Variants in CUL2 observed in about 807,000 individuals in gnomAD.
CUL2 encodes the protein cullin 2.
CUL2 carries 22 observed loss-of-function variants against 110.2 expected under a neutral mutation model. The ratio of observed to expected loss-of-function variants is 0.20; its 90% confidence interval spans 0.14 to 0.28. CUL2 has a LOEUF of 0.28. Among genes scored for constraint, CUL2 ranks in the 10% least tolerant of loss-of-function variants. The pLI, the probability that CUL2 is intolerant of heterozygous loss-of-function variation, is 1.00. For synonymous variants in CUL2, 279 were observed against 293.2 expected (o/e 0.95, Z 0.49); for missense variants, 631 against 905.5 (o/e 0.70, Z 3.89).
In CUL2 at chr10:35,009,203, A is replaced by AT. The variant is rs1336884208; in HGVS notation, c.*1107dup. The AT allele has an allele frequency of 7.1e-5, 9 of 127,454 alleles. No homozygotes were observed. Among genetic ancestry groups the AT allele is most frequent in the African/African-American group, 2.8e-4 (8 of 28,726 alleles). The allele number at this position is 127,454 out of a possible 1,614,324, so 7.9% of individuals were successfully genotyped here. A position where few individuals can be genotyped will look rare whatever the true frequency, so the allele number is the denominator to read the frequency against. On this transcript the variant is annotated 3_prime_UTR_variant, in exon 21 of 21. Transcript: ENST00000374749. ...GTTGAGATATATATATATATATATT[A>AT]TATATATATATATATATAAAATAAA... is the stretch of plus-strand genomic sequence containing the variant.
intron 16 of CUL2, among the ~76,000 whole-genome samples, chr10:35,027,213 C>T (rs1190569317): frequency 1.3e-5 from 2 of 149,580 alleles, no homozygotes; most frequent in African/African-American, 4.9e-5. Context: ...GGCGCAAACT[C>T]GGCTCACTGC....
chr10:35,033,508 G>A (rs1279493830), intron 10 of CUL2, among the ~76,000 whole-genome samples: 3 of 151,934 alleles, frequency 2.0e-5, no homozygotes, highest in Admixed American at 6.6e-5. Context: ...AGGCTGAGGC[G>A]GGCGGATCAT....
At chr10:35,121,098 C>T (rs535611370) in intron 1 of CUL2, among the ~76,000 whole-genome samples, 48 of 152,322 alleles carry the variant, frequency 3.2e-4, no homozygotes, top group African/African-American at 1.0e-3. Flanking sequence ...CTACTTAACG[C>T]ATTCCCCATA....
rs115816511 is a variant in CUL2 at position 35,112,751 on chromosome 10, G to A, written c.-50-11691C>T. Among the ~76,000 whole-genome samples, 1,206 of 152,252 alleles carry A rather than the reference G, an allele frequency of 7.9e-3. 21 individuals carry two copies. The highest frequency in any genetic ancestry group is 0.027 in the African/African-American group (1,132 of 41,546). ...CTCAAAAGTCACAGTATTATACAGG[G>A]CATGAGGCAGAATCTTCAAAAGGTT... On this transcript the variant is annotated intron_variant, in intron 1 of 5. Transcript: ENST00000685421.
At chr10:35,035,428 A>C (rs1588976211) in intron 9 of CUL2, 132 bp from the exon 10 acceptor site, 5 of 824,338 alleles carry the variant, frequency 6.1e-6, no homozygotes, top group South Asian at 2.0e-5. Flanking sequence ...CCCCATGCCC[A>C]CCTCCCAGCC....
chr10:35,060,801 A>C, intron 4 of CUL2, 73 bp downstream of exon 4: 1 of 1,225,728 alleles, frequency 8.2e-7, no homozygotes, highest in South Asian at 1.3e-5. Context: ...ATAGGCAATA[A>C]AAAAATTATC....
chr10:35,095,452 AT>A (rs2087282686), upstream of CUL2, among the ~76,000 whole-genome samples: 2 of 152,170 alleles, frequency 1.3e-5, no homozygotes, highest in African/African-American at 4.8e-5. Flanking sequence ...GATTAAATAT[AT>A]TTTTATACGT....
At chr10:35,073,139 G>C (rs777279427) in intron 1 of CUL2, among the ~76,000 whole-genome samples, 1 of 152,176 alleles carries the variant, frequency 6.6e-6, no homozygotes, top group Non-Finnish European at 1.5e-5. Flanking sequence ...ATATCCAAAA[G>C]AGGGTATGCC....
At chr10:35,052,713 G>C (rs905358810) in intron 5 of CUL2, among the ~76,000 whole-genome samples, 5 of 151,848 alleles carry the variant, frequency 3.3e-5, no homozygotes, top group African/African-American at 1.2e-4. Flanking sequence ...GGCTAACACG[G>C]TGAAACCCCG....
intron 2 of CUL2, among the ~76,000 whole-genome samples, chr10:35,067,045 A>AGGCTGAGG (rs902784958): frequency 6.7e-6 from 1 of 149,370 alleles, no homozygotes; most frequent in African/African-American, 2.4e-5. Flanking sequence ...GATACTAGGG[A>AGGCTGAGG]GGCTGAGGCA....
chr10:35,081,561 G>C (rs2086948201), intron 1 of CUL2, among the ~76,000 whole-genome samples: 1 of 152,154 alleles, frequency 6.6e-6, no homozygotes, highest in Admixed American at 6.5e-5. Flanking sequence ...GACAAAGCTA[G>C]AACCAACCAG....
Position 35,077,817 on chromosome 10 carries a change from CA to C in CUL2, c.-22-6479del, listed in dbSNP as rs200796040. Among the ~76,000 whole-genome samples the C allele has an allele frequency of 3.2e-3, 341 of 107,084 alleles. 2 individuals carry two copies. Among genetic ancestry groups the C allele is most frequent in the African/African-American group, 9.7e-3 (262 of 27,130 alleles). 70.3% of individuals were successfully genotyped at this position (107,084 alleles called of 152,430 possible). ...GGGCAACAAGAGTGAAACTCCGTCT[CA>C]AAAAAAAAAAAAGAAAAGAAATAAA... On this transcript the variant is annotated intron_variant, in intron 1 of 20. Coordinates refer to ENST00000374749, the MANE Select transcript of CUL2 (RefSeq NM_003591.4).
chr10:35,020,733 G>C (rs1355490205), intron 17 of CUL2, among the ~76,000 whole-genome samples: 1 of 152,094 alleles, frequency 6.6e-6, no homozygotes, highest in African/African-American at 2.4e-5. Context: ...CACACTGTCT[G>C]GTTATATCTC....
chr10:35,080,016 C>T (rs534210198), intron 1 of CUL2, among the ~76,000 whole-genome samples: 10 of 152,260 alleles, frequency 6.6e-5, no homozygotes, highest in Admixed American at 2.6e-4. Context: ...GAGGACAGTA[C>T]AGAATTTAAT....
At chr10:35,123,410 T>C (rs2087700484) in intron 1 of CUL2, among the ~76,000 whole-genome samples, 1 of 152,070 alleles carries the variant, frequency 6.6e-6, no homozygotes, top group Non-Finnish European at 1.5e-5. Context: ...ACCAGAGCTG[T>C]ATCTAAGGAA....
chr10:35,054,589 A>G (rs2134876015), intron 4 of CUL2, 50 bp from the exon 5 acceptor site: 2 of 1,018,114 alleles, frequency 2.0e-6, no homozygotes, highest in East Asian at 5.0e-5. Context: ...GTCAGTAGGA[A>G]AGCAAATGAC....
rs772641255 is a variant in CUL2, at chr10:35,031,662, G to T, written c.1171-43C>A. ...AATAAATCTTACAAAGGGTGCTTCT[G>T]TATATATCACGCCTCAAAGGAGGCA... is the stretch of plus-strand genomic sequence containing the variant. On this transcript the variant is annotated intron_variant, in intron 12 of 20. Coordinates refer to ENST00000374749, the MANE Select transcript of CUL2 (RefSeq NM_003591.4). The surrounding 1 kb of genome is among the most constrained non-coding windows in gnomAD (Gnocchi z 4.4). The T allele has an allele frequency of 3.7e-6, 6 of 1,606,496 alleles. No individual in the cohort carries two copies. The East Asian group carries it at 1.3e-4, about 36-fold the overall frequency.
chr10:35,094,548 A>C (rs555068300), upstream of CUL2, among the ~76,000 whole-genome samples: 1 of 152,276 alleles, frequency 6.6e-6, no homozygotes, highest in African/African-American at 2.4e-5. Context: ...GTAATTTTTA[A>C]GCGTGTAAAG....
At chr10:35,022,441 T>A (rs11010073) in intron 17 of CUL2, among the ~76,000 whole-genome samples, 2,149 of 152,288 alleles carry the variant, frequency 0.014, 24 homozygotes, top group Middle Eastern at 0.027. Flanking sequence ...TAGGCAAGAA[T>A]AATTTTCATT....
Sources: gnomAD v4.1 joint callset for allele counts (sites outside exome capture counted in the v4.1 genomes callset) on GRCh38, gnomAD v4.1.1 for gene constraint, Gnocchi (gnomAD v3.1) non-coding constraint, MANE v1.5 for transcripts, NCBI Gene and HGNC (gene_info 2026-07-23, HGNC 2026-07-21) for gene names.